ANKRD6: variants seen among roughly 807,000 people sequenced by gnomAD.
The protein encoded by ANKRD6 is ankyrin repeat domain 6, also known as ankyrin repeat domain-containing protein 6.
In ANKRD6, 56 loss-of-function variants were observed where a neutral mutation model predicts 82.3. The ratio of observed to expected loss-of-function variants is 0.68; its 90% CI spans 0.55 to 0.85. The LOEUF (loss-of-function observed/expected upper bound fraction) is 0.85, where lower values mean the gene tolerates loss of function less well. Ranked by LOEUF, ANKRD6 falls within the 40% of genes least tolerant of loss-of-function variation. ANKRD6 has a pLI of 0.00. For synonymous variants in ANKRD6, 347 were observed against 352.1 expected (o/e 0.99, Z 0.16); for missense variants, 852 against 907.6 (o/e 0.94, Z 0.79).
At chr6:89,616,866 G>A in intron 8 of ANKRD6, 1 of 673,400 alleles carries the variant, frequency 1.5e-6, no homozygotes, top group Middle Eastern at 2.4e-4. Context: ...CTTGGGGCCT[G>A]CTTTTAGCTG....
At chr6:89,529,881 GT>G (rs1198340483) in intron 1 of ANKRD6, among the ~76,000 whole-genome samples, 1 of 152,116 alleles carries the variant, frequency 6.6e-6, no homozygotes, top group African/African-American at 2.4e-5. Flanking sequence ...ATGTGGTGTG[GT>G]TCAGGGTACC....
At chr6:89,625,885 A>AC (rs994301856) in intron 13 of ANKRD6, among the ~76,000 whole-genome samples, 1 of 151,942 alleles carries the variant, frequency 6.6e-6, no homozygotes, top group African/African-American at 2.4e-5. Context: ...GGCGGACGCC[A>AC]CCATGCCCAC....
At chr6:89,475,617 A>G (rs1261186163) in intron 1 of ANKRD6, among the ~76,000 whole-genome samples, 2 of 152,192 alleles carry the variant, frequency 1.3e-5, no homozygotes, top group Non-Finnish European at 2.9e-5. Flanking sequence ...ATCTCTCTCC[A>G]TAGCTTTTCT....
chr6:89,627,354 C>CT, intron 13 of ANKRD6, among the ~76,000 whole-genome samples: 1 of 152,200 alleles, frequency 6.6e-6, no homozygotes, highest in Non-Finnish European at 1.5e-5. Context: ...ACCTCTTAAA[C>CT]TTTAACAAAT....
chr6:89,500,492 T>A (rs1300406718), intron 1 of ANKRD6, among the ~76,000 whole-genome samples: 4 of 152,210 alleles, frequency 2.6e-5, no homozygotes, highest in Non-Finnish European at 5.9e-5. Flanking sequence ...TAATGTCATA[T>A]GATATATTTT....
At chr6:89,590,599 A>G (rs1794684928) in intron 2 of ANKRD6, among the ~76,000 whole-genome samples, 1 of 152,214 alleles carries the variant, frequency 6.6e-6, no homozygotes, top group South Asian at 2.1e-4. Context: ...GGGCTAAGGT[A>G]AAACACCCAA....
intron 1 of ANKRD6, among the ~76,000 whole-genome samples, chr6:89,444,889 AC>A (rs1011751415): frequency 3.3e-5 from 5 of 151,974 alleles, no homozygotes; most frequent in Non-Finnish European, 7.4e-5. Context: ...AGTTGCTTGA[AC>A]CTGGGAGGCG....
At chr6:89,627,209 A>C (rs1164511051) in intron 13 of ANKRD6, among the ~76,000 whole-genome samples, 2 of 151,320 alleles carry the variant, frequency 1.3e-5, no homozygotes, top group African/African-American at 4.9e-5. Flanking sequence ...GGCATGTGCC[A>C]CCACACCCGG....
chr6:89,454,335 C>G (rs1333901122), intron 1 of ANKRD6, among the ~76,000 whole-genome samples: 1 of 152,178 alleles, frequency 6.6e-6, no homozygotes, highest in East Asian at 1.9e-4. Flanking sequence ...CTTTTCATTT[C>G]TTTGCTACAC....
chr6:89,498,879 A>C (rs973483651), intron 1 of ANKRD6, among the ~76,000 whole-genome samples: 1 of 152,194 alleles, frequency 6.6e-6, no homozygotes, highest in African/African-American at 2.4e-5. Context: ...TTCTTTGCAG[A>C]ATGTGAGCAC....
At chr6:89,566,151 C>T (rs527838381) in intron 1 of ANKRD6, among the ~76,000 whole-genome samples, 4 of 152,360 alleles carry the variant, frequency 2.6e-5, no homozygotes, top group African/African-American at 9.6e-5. Context: ...CATGACCAGC[C>T]CCCTGCATTG....
chr6:89,596,040 G>A, intron 3 of ANKRD6, 26 bp downstream of exon 3: 1 of 1,578,652 alleles, frequency 6.3e-7, no homozygotes, highest in Non-Finnish European at 8.6e-7. Flanking sequence ...CATTCTATCA[G>A]GCTGAGTTGG....
intron 1 of ANKRD6, among the ~76,000 whole-genome samples, chr6:89,451,998 A>T (rs946167166): frequency 1.3e-5 from 2 of 152,078 alleles, no homozygotes; most frequent in African/African-American, 4.8e-5. Context: ...GGAGTTCAAA[A>T]CCAGCCTGGG....
At chr6:89,626,893 C>A (rs1011314688) in intron 13 of ANKRD6, among the ~76,000 whole-genome samples, 1 of 152,190 alleles carries the variant, frequency 6.6e-6, no homozygotes, top group Admixed American at 6.5e-5. Context: ...AATGAAGCAC[C>A]AAAAATATTT....
chr6:89,626,615 G>A lies in ANKRD6; in HGVS notation c.1372-968G>A, dbSNP rs537758393. On this transcript the variant is annotated intron_variant, in intron 13 of 15. Transcript: ENST00000339746. ...TTTTCTTAATGTTTTGAACATCTGG[G>A]TGTGGAATGCCACGTGTGTCCCTGA... Among the ~76,000 whole-genome samples the A allele has an allele frequency of 3.3e-5, 5 of 152,332 alleles. No homozygotes were observed. The East Asian group carries it at 7.7e-4, about 23-fold the overall frequency.
At chr6:89,563,419 G>A (rs935581464) in intron 1 of ANKRD6, among the ~76,000 whole-genome samples, 5 of 152,308 alleles carry the variant, frequency 3.3e-5, no homozygotes, top group East Asian at 3.9e-4. Context: ...GCGTGTTTGC[G>A]TTTAAGGTTT....
At chr6:89,468,414 T>G (rs1259589987) in intron 1 of ANKRD6, among the ~76,000 whole-genome samples, 2 of 152,050 alleles carry the variant, frequency 1.3e-5, no homozygotes, top group African/African-American at 2.4e-5. Flanking sequence ...TTAGGCATGG[T>G]TAAGCTGTTT....
chr6:89,479,592 A>C (rs1028352130), intron 1 of ANKRD6, among the ~76,000 whole-genome samples: 7 of 148,844 alleles, frequency 4.7e-5, no homozygotes, highest in African/African-American at 1.7e-4. Flanking sequence ...TTCTTTTTTT[A>C]TTTTTTATTT....
chr6:89,547,106 G>A (rs988969829), intron 1 of ANKRD6, among the ~76,000 whole-genome samples: 12 of 152,246 alleles, frequency 7.9e-5, no homozygotes, highest in African/African-American at 2.9e-4. Flanking sequence ...GATTACAGGT[G>A]CATACCATTG....
Sources: gnomAD v4.1 joint callset for allele counts (sites outside exome capture counted in the v4.1 genomes callset) on GRCh38, gnomAD v4.1.1 for gene constraint, MANE v1.5 for transcripts, NCBI Gene and HGNC (gene_info 2026-07-23, HGNC 2026-07-21) for gene names.